Variants in TRIM37 observed in about 807,000 individuals in gnomAD.
TRIM37 encodes the protein E3 ubiquitin-protein ligase TRIM37.
Under a neutral mutation model 129.8 loss-of-function variants are expected in TRIM37, and 80 were observed. That is an observed-to-expected ratio of 0.62 (90% CI 0.51 to 0.74). The LOEUF is 0.74. Ranked by LOEUF, TRIM37 falls within the 30% of genes least tolerant of loss-of-function variation. TRIM37 has a pLI of 0.00. For missense variants in TRIM37, 1,054 were observed against 1,176.5 expected, an observed-to-expected ratio of 0.90 and a Z score of 1.52; for synonymous variants, 389 against 387.1, an observed-to-expected ratio of 1.00 and a Z score of -0.06.
intron 22 of TRIM37, 114 bp from the exon 23 acceptor site, chr17:59,001,828 CA>C (rs1220766565): frequency 7.0e-7 from 1 of 1,421,900 alleles, no homozygotes; most frequent in Non-Finnish European, 9.6e-7. Context: ...CATGGAATGC[CA>C]AGAATTCAAC....
chr17:59,106,028 C>G lies in TRIM37; in HGVS notation c.21+413G>C, dbSNP rs566667159. ...TCTAGGAAGGAAGGGCAGAAGCCTGCAAAATGTGCCACTGAGAGGGAAAGA... is the reference window on the plus strand; with the variant it reads ...TCTAGGAAGGAAGGGCAGAAGCCTGGAAAATGTGCCACTGAGAGGGAAAGA... On this transcript the variant is annotated intron_variant, in intron 1 of 23. Transcript: ENST00000262294. 8.5e-4 allele frequency among the ~76,000 whole-genome samples: 129 copies of G among 152,288 alleles called. 1 individual carries two copies. The highest frequency in any genetic ancestry group is 1.6e-3 in the Non-Finnish European group (106 of 68,030).
intron 24 of TRIM37, chr17:58,983,759 C>A (rs959609464): frequency 6.6e-6 from 1 of 152,596 alleles, no homozygotes; most frequent in African/African-American, 2.4e-5. Flanking sequence ...GTGGCAGTAT[C>A]CCTTTTTCAA....
At chr17:59,062,810 T>C (rs182910134) in intron 10 of TRIM37, among the ~76,000 whole-genome samples, 162 bp from the exon 11 acceptor site, 5 of 152,274 alleles carry the variant, frequency 3.3e-5, no homozygotes, top group Admixed American at 3.3e-4. Flanking sequence ...AGTTTAGATA[T>C]GCTTACATCC....
chr17:59,047,548 TAGAG>T, intron 16 of TRIM37, 131 bp downstream of exon 16: 1 of 878,906 alleles, frequency 1.1e-6, no homozygotes, highest in Non-Finnish European at 1.8e-6. Flanking sequence ...GCCCAGAGAT[TAGAG>T]AGAGAAAACT....
At chr17:59,013,058 T>C (rs560525499) in intron 21 of TRIM37, among the ~76,000 whole-genome samples, 147 of 152,242 alleles carry the variant, frequency 9.7e-4, no homozygotes, top group African/African-American at 3.5e-3. Context: ...TGTGAACCTA[T>C]AATTAGCTCA....
chr17:58,980,866 C>T (rs2031316215), downstream of TRIM37: 1 of 1,614,166 alleles, frequency 6.2e-7, no homozygotes, highest in East Asian at 2.2e-5. The surrounding 1 kb of genome is among the most constrained non-coding windows in gnomAD (Gnocchi z 4.7). Context: ...ACAAAATAGG[C>T]ACTAGCCTGT....
intron 24 of TRIM37, among the ~76,000 whole-genome samples, chr17:58,993,158 G>A (rs1598761258): frequency 6.6e-6 from 1 of 152,206 alleles, no homozygotes; most frequent in Non-Finnish European, 1.5e-5. Flanking sequence ...GCTCTCGTCT[G>A]CCACCACATG....
intron 24 of TRIM37, among the ~76,000 whole-genome samples, chr17:58,993,119 G>A (rs1346512937): frequency 1.3e-5 from 2 of 152,170 alleles, no homozygotes; most frequent in Admixed American, 1.3e-4. Flanking sequence ...AGATCTGATG[G>A]TTTTATAAGG....
intron 7 of TRIM37, 128 bp downstream of exon 7, chr17:59,079,626 T>C (rs1239979649): frequency 1.4e-5 from 16 of 1,181,122 alleles, no homozygotes; most frequent in South Asian, 8.9e-5. Context: ...TCTGTCTAAA[T>C]TGTAACAACA....
intron 4 of TRIM37, 140 bp downstream of exon 4, chr17:59,088,151 C>T (rs1016858163): frequency 9.1e-6 from 6 of 660,890 alleles, no homozygotes; most frequent in African/African-American, 3.6e-5. Context: ...ACAGTAACAG[C>T]GCATGACTGA....
At chr17:58,980,626 T>C, downstream of TRIM37, 1 of 1,613,784 alleles carries the variant, frequency 6.2e-7, no homozygotes, top group Non-Finnish European at 8.5e-7. This position sits in a 1 kb window ranked among gnomAD's most constrained non-coding sequence, Gnocchi z 4.7. Flanking sequence ...CTGAATGGAG[T>C]GGTGCTGGAG....
rs369597604 is a variant in TRIM37, at chr17:59,104,477, T to C, written c.22-83A>G. On this transcript the variant is annotated intron_variant, in intron 1 of 23. Coordinates refer to ENST00000262294, the MANE Select transcript of TRIM37 (RefSeq NM_015294.6). ...AGGCAAGCTCAAAACAACTTGACAT[T>C]TACATTTATTTTGGGCTGATCTCTC... 20 of 1,213,898 alleles carry C rather than the reference T, an allele frequency of 1.6e-5. No homozygotes were observed. In the African/African-American group the frequency reaches 3.0e-4, roughly 18 times the overall value. The allele number at this position is 1,213,898 out of a possible 1,614,324, so 75.2% of individuals were successfully genotyped here. A position where few individuals can be genotyped will look rare whatever the true frequency, so the allele number is the denominator to read the frequency against.
At chr17:59,023,909 C>T (rs1393565140) in intron 19 of TRIM37, among the ~76,000 whole-genome samples, 3 of 151,922 alleles carry the variant, frequency 2.0e-5, no homozygotes, top group Non-Finnish European at 2.9e-5. Flanking sequence ...AATTGAAAAA[C>T]TGTTAATAAA....
chr17:58,970,179 T>G, the TRIM37 span, among the ~76,000 whole-genome samples: 1 of 152,172 alleles, frequency 6.6e-6, no homozygotes, highest in Non-Finnish European at 1.5e-5. Context: ...GTGTATCTCT[T>G]GAGGGAAAAT....
chr17:59,092,412 CA>C (rs899588866), intron 2 of TRIM37, among the ~76,000 whole-genome samples: 1 of 146,218 alleles, frequency 6.8e-6, no homozygotes, highest in Non-Finnish European at 1.5e-5. Context: ...AAAAAAAAAA[CA>C]AAAAAAACGG....
At chr17:59,086,499 A>G (rs963788990) in intron 4 of TRIM37, among the ~76,000 whole-genome samples, 2 of 152,082 alleles carry the variant, frequency 1.3e-5, no homozygotes, top group Non-Finnish European at 2.9e-5. Flanking sequence ...CCGGCCTCCC[A>G]AAGTGCTGGG....
chr17:58,972,330 C>A, the TRIM37 span: 1 of 1,530,750 alleles, frequency 6.5e-7, no homozygotes. Flanking sequence ...TTTAGATTTT[C>A]TAGTTATTGA....
At chr17:59,030,703 G>A (rs139109272) in intron 18 of TRIM37, among the ~76,000 whole-genome samples, 95 of 152,178 alleles carry the variant, frequency 6.2e-4, no homozygotes, top group African/African-American at 2.2e-3. Flanking sequence ...ACCATTGCAT[G>A]GTTACACTGT....
intron 9 of TRIM37, among the ~76,000 whole-genome samples, chr17:59,070,388 T>A (rs1019337188): frequency 1.3e-5 from 2 of 152,180 alleles, no homozygotes; most frequent in African/African-American, 2.4e-5. Flanking sequence ...GGTACACTGA[T>A]GAAGCTAATG....
Sources: gnomAD v4.1 joint callset for allele counts (sites outside exome capture counted in the v4.1 genomes callset) on GRCh38, gnomAD v4.1.1 for gene constraint, Gnocchi (gnomAD v3.1) non-coding constraint, MANE v1.5 for transcripts, NCBI Gene and HGNC (gene_info 2026-07-23, HGNC 2026-07-21) for gene names.